INVS: variants seen among roughly 807,000 people sequenced by gnomAD.
The protein encoded by INVS is inversion of embryo turning homolog.
A neutral mutation model predicts 108.8 loss-of-function variants in INVS; 86 were observed. The observed-to-expected ratio is 0.79, with a 90% confidence interval of 0.66 to 0.95. The LOEUF is 0.95. INVS is among the 40% of genes least tolerant of loss of function. INVS has a pLI of 0.00. For missense variants in INVS, 1,169 were observed against 1,297.4 expected, an observed-to-expected ratio of 0.90 and a Z score of 1.52; for synonymous variants, 455 against 473.5, an observed-to-expected ratio of 0.96 and a Z score of 0.51.
intron 3 of INVS, among the ~76,000 whole-genome samples, chr9:100,145,549 G>A (rs1303565708): frequency 6.6e-6 from 1 of 151,958 alleles, no homozygotes; most frequent in Non-Finnish European, 1.5e-5. Context: ...TTGCCACTAA[G>A]GGTGAAGGAG....
At chr9:100,273,995 ATT>A (rs71370987) in intron 12 of INVS, among the ~76,000 whole-genome samples, 1,645 of 152,092 alleles carry the variant, frequency 0.011, 17 homozygotes, top group African/African-American at 0.016. Flanking sequence ...AGGACTTCGC[ATT>A]TTTTTTGGAC....
At chr9:100,292,261 A>C in intron 13 of INVS, 65 bp from the exon 14 acceptor site, 1 of 1,368,142 alleles carries the variant, frequency 7.3e-7, no homozygotes, top group Non-Finnish European at 1.0e-6. Context: ...ATTTTATGTG[A>C]ACATATTAGG....
At chr9:100,145,044 G>A (rs1828556741) in intron 3 of INVS, among the ~76,000 whole-genome samples, 1 of 152,148 alleles carries the variant, frequency 6.6e-6, no homozygotes, top group South Asian at 2.1e-4. Context: ...CCACTGTTGA[G>A]TTTGTATTGG....
At chr9:100,134,317 A>G (rs1368902553) in intron 3 of INVS, among the ~76,000 whole-genome samples, 1 of 152,164 alleles carries the variant, frequency 6.6e-6, no homozygotes, top group Non-Finnish European at 1.5e-5. Flanking sequence ...ATATCTATAC[A>G]CCAGAGTTTC....
intron 10 of INVS, among the ~76,000 whole-genome samples, chr9:100,262,830 C>G (rs1017902093): frequency 2.0e-5 from 3 of 152,108 alleles, no homozygotes; most frequent in Non-Finnish European, 4.4e-5. Context: ...ATTGTAACCT[C>G]AACCTTCCCA....
In INVS at chr9:100,126,363, T is replaced by C; in HGVS notation, c.107-20T>C. 1 of 1,584,136 alleles carries C rather than the reference T, an allele frequency of 6.3e-7. No individual in the cohort carries two copies. Among genetic ancestry groups the C allele is most frequent in the Non-Finnish European group, 8.7e-7 (1 of 1,152,952 alleles). On this transcript the variant is annotated intron_variant, in intron 2 of 16. Coordinates refer to ENST00000262457, the MANE Select transcript of INVS (RefSeq NM_014425.5). ...TAATAACAATTATCAAATATCACTATCTGTTTCTTATCCTTATAGGAAACT... is the reference window on the plus strand; with the variant it reads ...TAATAACAATTATCAAATATCACTACCTGTTTCTTATCCTTATAGGAAACT...
chr9:100,192,800 G>A (rs1393830523), intron 3 of INVS, among the ~76,000 whole-genome samples: 1 of 152,110 alleles, frequency 6.6e-6, no homozygotes, highest in Non-Finnish European at 1.5e-5. Flanking sequence ...CCTAATGACT[G>A]ATGAAGTTGA....
intron 2 of INVS, among the ~76,000 whole-genome samples, chr9:100,110,530 C>T (rs543276209): frequency 2.6e-4 from 39 of 152,222 alleles, no homozygotes; most frequent in African/African-American, 9.4e-4. Flanking sequence ...GTGAACCTTG[C>T]ATGATGAAAT....
intron 3 of INVS, among the ~76,000 whole-genome samples, chr9:100,127,135 G>T (rs1341743664): frequency 2.0e-5 from 3 of 152,056 alleles, no homozygotes; most frequent in Non-Finnish European, 2.9e-5. Flanking sequence ...GGTTGAGGCT[G>T]CAGTGAACTG....
chr9:100,151,869 A>T (rs143681801), intron 3 of INVS, among the ~76,000 whole-genome samples: 1,955 of 152,360 alleles, frequency 0.013, 15 homozygotes, highest in Middle Eastern at 0.024. Flanking sequence ...TGATGAGCTC[A>T]GAGTGTTACA....
intron 15 of INVS, 144 bp from the exon 16 acceptor site, chr9:100,297,792 G>A (rs1833832129): frequency 1.3e-6 from 1 of 786,162 alleles, no homozygotes. Context: ...CTTTACCCTG[G>A]GCCTACATGT....
intron 3 of INVS, among the ~76,000 whole-genome samples, chr9:100,204,305 C>T (rs1830616146): frequency 6.6e-6 from 1 of 152,176 alleles, no homozygotes; most frequent in South Asian, 2.1e-4. Context: ...CACTTCTATT[C>T]ACTGCTATTT....
intron 14 of INVS, 44 bp from the exon 15 acceptor site, chr9:100,296,873 A>G: frequency 6.8e-7 from 1 of 1,477,472 alleles, no homozygotes; most frequent in South Asian, 1.2e-5. Flanking sequence ...TAGTTTTCTC[A>G]GTACTGTGAT....
chr9:100,296,812 AG>A, intron 14 of INVS, 104 bp from the exon 15 acceptor site: 1 of 888,826 alleles, frequency 1.1e-6, no homozygotes, highest in Non-Finnish European at 1.8e-6. Flanking sequence ...TGAACCTACC[AG>A]GAATTCAGCA....
At chr9:100,179,935 C>T (rs1441582905) in intron 3 of INVS, among the ~76,000 whole-genome samples, 1 of 152,116 alleles carries the variant, frequency 6.6e-6, no homozygotes, top group African/African-American at 2.4e-5. Context: ...GAAATCGTAA[C>T]AGTCTCTCAG....
intron 13 of INVS, among the ~76,000 whole-genome samples, chr9:100,284,839 G>C (rs12342257): frequency 6.6e-6 from 1 of 151,072 alleles, no homozygotes; most frequent in Non-Finnish European, 1.5e-5. Flanking sequence ...ATGGTTTTTT[G>C]TTTTCTTTTC....
intron 3 of INVS, among the ~76,000 whole-genome samples, chr9:100,167,499 T>C (rs1829402580): frequency 6.6e-6 from 1 of 152,156 alleles, no homozygotes; most frequent in Non-Finnish European, 1.5e-5. Flanking sequence ...CTTTCATTAG[T>C]TTCTTATTCA....
intron 3 of INVS, among the ~76,000 whole-genome samples, chr9:100,181,755 G>T (rs1829893914): frequency 6.6e-6 from 1 of 152,058 alleles, no homozygotes; most frequent in Admixed American, 6.6e-5. Context: ...CACAGAATTA[G>T]AAAAAACTAC....
Position 100,301,563 on chromosome 9 carries a change from A to G in INVS, c.*889A>G, listed in dbSNP as rs892453936. On this transcript the variant is annotated 3_prime_UTR_variant, in exon 17 of 17. Coordinates refer to ENST00000262457, the MANE Select transcript of INVS (RefSeq NM_014425.5). ...GGCAGGGAAGAATGAAACGGCACAC[A>G]TCCTAGCATTCTAAGAACACCTGGT... Among the ~76,000 whole-genome samples, 63 of 152,238 alleles carry G rather than the reference A, an allele frequency of 4.1e-4. No homozygotes were observed. Among genetic ancestry groups the G allele is most frequent in the African/African-American group, 1.4e-3 (60 of 41,452 alleles).
Sources: allele counts gnomAD v4.1 joint callset (sites outside exome capture counted in the v4.1 genomes callset), GRCh38; gene constraint gnomAD v4.1.1; transcripts MANE v1.5; gene names NCBI Gene and HGNC (gene_info 2026-07-23, HGNC 2026-07-21).